Variants in MKRN1 observed in about 807,000 individuals in gnomAD.
MKRN1 encodes the protein E3 ubiquitin-protein ligase makorin-1.
A neutral mutation model predicts 55.5 loss-of-function variants in MKRN1; 9 were observed. That is an observed-to-expected ratio of 0.16 (90% CI 0.10 to 0.28). The LOEUF is 0.28. Ranked by LOEUF, MKRN1 falls within the 10% of genes least tolerant of loss-of-function variation. The pLI, the probability that MKRN1 is intolerant of heterozygous loss-of-function variation, is 1.00. For missense variants in MKRN1, 488 were observed against 626.7 expected, an observed-to-expected ratio of 0.78 and a Z score of 2.36; for synonymous variants, 253 against 235.9, an observed-to-expected ratio of 1.07 and a Z score of -0.66.
At chr7:140,475,563 T>G (rs1052519341) in intron 1 of MKRN1, among the ~76,000 whole-genome samples, 4 of 150,598 alleles carry the variant, frequency 2.7e-5, no homozygotes, top group Admixed American at 2.0e-4. Context: ...ACTGGGGAGG[T>G]TCAAGCAGGA....
intron 1 of MKRN1, among the ~76,000 whole-genome samples, chr7:140,473,082 G>A (rs1411506961): frequency 6.6e-6 from 1 of 151,522 alleles, no homozygotes; most frequent in African/African-American, 2.4e-5. Flanking sequence ...CTGGACAACA[G>A]AGAGACTCCA....
At chr7:140,457,210 GT>G (rs1168223982) in intron 4 of MKRN1, among the ~76,000 whole-genome samples, 4 of 152,086 alleles carry the variant, frequency 2.6e-5, no homozygotes, top group African/African-American at 7.2e-5. Context: ...TCTACATGAG[GT>G]TAAGACCCTA....
intron 6 of MKRN1, chr7:140,455,467 G>A (rs146046912): frequency 8.7e-6 from 5 of 575,752 alleles, no homozygotes; most frequent in Non-Finnish European, 1.5e-5. Flanking sequence ...AGATGCCATA[G>A]AGAGAAAATC....
At position 140,455,149 on chromosome 7, in the gene MKRN1, A is replaced by G. The variant is rs762674256; in HGVS notation, c.1182T>C (p.Asp394=). Residue 394 remains aspartate (D), a synonymous_variant, in exon 7 of 8, where the codon GAT becomes GAC. Transcript: ENST00000255977. ...GTCTCTGTGGCTCCTCTCTACGGCCATCAGGGTACGCATGCTTGTAAAAAC... is the reference window on the plus strand; with the variant it reads ...GTCTCTGTGGCTCCTCTCTACGGCCGTCAGGGTACGCATGCTTGTAAAAAC... The part of the protein sequence containing the change: ...GNCFYKHAYP[D]GRREEPQRQK... 6.2e-7 allele frequency: 1 copy of G among 1,614,016 alleles called. No homozygotes were observed. Among genetic ancestry groups the G allele is most frequent in the East Asian group, 2.2e-5 (1 of 44,866 alleles).
intron 6 of MKRN1, chr7:140,455,555 CCTTA>C (rs1231332275): frequency 1.1e-5 from 6 of 560,218 alleles, no homozygotes; most frequent in African/African-American, 7.5e-5. Context: ...ACTCATGGGG[CCTTA>C]CTTGTCAACA....
At position 140,453,535 on chromosome 7, in the gene MKRN1, A is replaced by G. The variant is rs1043806995; in HGVS notation, c.*982T>C. Reference sequence around the variant, plus strand: ...GCCTGTACTGGAAAGGCTAGATCGTAAAACATTAAATACAACTGTGTATCC... The same window carrying G: ...GCCTGTACTGGAAAGGCTAGATCGTGAAACATTAAATACAACTGTGTATCC... On this transcript the variant is annotated 3_prime_UTR_variant, in exon 8 of 8. Coordinates refer to ENST00000255977, the MANE Select transcript of MKRN1 (RefSeq NM_013446.4). 10 of 152,650 alleles carry G rather than the reference A, an allele frequency of 6.6e-5. No individual in the cohort carries two copies. The highest frequency in any genetic ancestry group is 2.4e-4 in the African/African-American group (10 of 41,460). 9.5% of individuals were successfully genotyped at this position (152,650 alleles called of 1,614,324 possible).
At position 140,459,688 on chromosome 7, in the gene MKRN1, T is replaced by G. The variant is rs767520106; in HGVS notation, c.544+19A>C. On this transcript the variant is annotated intron_variant, in intron 3 of 7. Coordinates refer to ENST00000255977, the MANE Select transcript of MKRN1 (RefSeq NM_013446.4). ...CTATCCAGCCCTCTAACTCTTATTT[T>G]CTTCTTCAGAATACTTACTACGGCC... 1 of 1,607,318 alleles carries G rather than the reference T, an allele frequency of 6.2e-7. No individual in the cohort carries two copies. Among genetic ancestry groups the G allele is most frequent in the East Asian group, 2.2e-5 (1 of 44,826 alleles).
chr7:140,455,658 A>G (rs976801262), intron 6 of MKRN1, 132 bp downstream of exon 6: 4 of 697,834 alleles, frequency 5.7e-6, no homozygotes, highest in African/African-American at 5.4e-5. Flanking sequence ...TCAGGGTGAC[A>G]AAATAAACTG....
intron 2 of MKRN1, among the ~76,000 whole-genome samples, chr7:140,467,144 A>ATT (rs1429832787): frequency 6.6e-6 from 1 of 151,764 alleles, no homozygotes; most frequent in African/African-American, 2.4e-5. Context: ...TGCTTGGGTA[A>ATT]TTTTGTATTT....
chr7:140,456,113 C>CT (rs57991505), intron 5 of MKRN1: 212,907 of 833,102 alleles, frequency 0.26, 4,249 homozygotes, highest in Non-Finnish European at 0.28. Context: ...CTAGCCAGTT[C>CT]TTTTTTTTTT....
At chr7:140,474,657 T>C (rs1218741166) in intron 1 of MKRN1, among the ~76,000 whole-genome samples, 1 of 152,128 alleles carries the variant, frequency 6.6e-6, no homozygotes, top group East Asian at 1.9e-4. Flanking sequence ...AGTTTCCAAG[T>C]AATAAATTTC....
chr7:140,466,795 A>G (rs1365727595), intron 2 of MKRN1, among the ~76,000 whole-genome samples: 4 of 139,562 alleles, frequency 2.9e-5, no homozygotes, highest in African/African-American at 1.1e-4. Flanking sequence ...TGGGCGACAG[A>G]GCGAGACTCC....
In MKRN1 at chr7:140,455,920, C is replaced by G; in HGVS notation, c.987-20G>C. 6.3e-7 allele frequency: 1 copy of G among 1,588,364 alleles called. No individual in the cohort carries two copies. Among genetic ancestry groups the G allele is most frequent in the Admixed American group, 1.7e-5 (1 of 59,960 alleles). ...CAGGACCTGGGAAACAATGAACAGGCTGCAATGCAAATTCCCCTTTTACAG... is the reference window on the plus strand; with the variant it reads ...CAGGACCTGGGAAACAATGAACAGGGTGCAATGCAAATTCCCCTTTTACAG... On this transcript the variant is annotated intron_variant, in intron 5 of 7. Transcript: ENST00000255977.
At chr7:140,456,389 AAT>A (rs1289274402) in intron 5 of MKRN1, 2 of 1,316,482 alleles carry the variant, frequency 1.5e-6, no homozygotes, top group African/African-American at 3.0e-5. Context: ...TAAACTGGCT[AAT>A]AATCCATTAA....
rs1245913742 is a variant in MKRN1 at position 140,472,194 on chromosome 7, G to A, written c.186-183C>T. ...CAGTACCTTTGGGAGGCTGAGGTGA[G>A]TGGCTCACCTGAGGTCAGGGGTCTA... On this transcript the variant is annotated intron_variant, in intron 1 of 7. Transcript: ENST00000255977. The A allele has an allele frequency of 3.0e-5, 23 of 769,662 alleles. No individual in the cohort carries two copies. The South Asian group carries it at 3.5e-4, about 12-fold the overall frequency. The allele number at this position is 769,662 out of a possible 1,614,324, so 47.7% of individuals were successfully genotyped here.
chr7:140,479,221 C>A lies in MKRN1; in HGVS notation c.124G>T (p.Gly42Cys). 6.8e-7 allele frequency: 1 copy of A among 1,461,988 alleles called. No homozygotes were observed. The highest frequency in any genetic ancestry group is 1.3e-5 in the South Asian group (1 of 74,552). The allele number at this position is 1,461,988 out of a possible 1,614,324, so 90.6% of individuals were successfully genotyped here. The change falls in exon 1 of 8, where the codon GGC becomes TGC. Residue 42 changes from glycine (G) to cysteine (C), a missense_variant. Gly to Cys is a radical substitution (Grantham distance 159). Coordinates refer to ENST00000255977, the MANE Select transcript of MKRN1 (RefSeq NM_013446.4). ...CCGTCGCTGCCGCCGCCCCCTCCGC[C>A]CGCCCCCAGGGACGGGGCGGTGACT... is the stretch of plus-strand genomic sequence containing the variant. The part of the protein sequence containing the change: ...PTVTAPSLGA[G>C]GGGGGSDGSG...
intron 1 of MKRN1, chr7:140,473,250 T>A: frequency 2.2e-6 from 1 of 447,042 alleles, no homozygotes; most frequent in East Asian, 7.0e-5. Context: ...TCACCCCAAG[T>A]TGAGTTTGCC....
rs751825296 is a variant in MKRN1, at chr7:140,456,792, C to A, written c.846G>T (p.Gly282=). 1.2e-6 allele frequency: 2 copies of A among 1,614,008 alleles called. No individual in the cohort carries two copies. Among genetic ancestry groups the A allele is most frequent in the South Asian group, 2.2e-5 (2 of 91,076 alleles). Residue 282 remains glycine (G), a synonymous_variant, in exon 5 of 8, where the codon GGG becomes GGT. Transcript: ENST00000255977. The stretch of plus-strand genomic sequence containing the variant: ...TCTCATAGACCACCTCCATGCAGAT[C>A]CCACACACCATGTCCTTGCTGCGCT... ...AVQRSKDMVC[G]ICMEVVYEKA...
intron 1 of MKRN1, chr7:140,475,432 G>T (rs1795092745): frequency 1.5e-5 from 4 of 272,486 alleles, no homozygotes; most frequent in South Asian, 1.1e-4. Flanking sequence ...GGCCGAGGCG[G>T]GTGAAACACT....
Sources: gnomAD v4.1 joint callset for allele counts (sites outside exome capture counted in the v4.1 genomes callset) on GRCh38, gnomAD v4.1.1 for gene constraint, MANE v1.5 for transcripts, NCBI Gene and HGNC (gene_info 2026-07-23, HGNC 2026-07-21) for gene names.